QTRT2: variants seen among roughly 807,000 people sequenced by gnomAD.
The protein encoded by QTRT2 is queuine tRNA-ribosyltransferase accessory subunit 2.
A neutral mutation model predicts 44.8 loss-of-function variants in QTRT2; 32 were observed. That is an observed-to-expected ratio of 0.71 (90% CI 0.54 to 0.96). The LOEUF (loss-of-function observed/expected upper bound fraction) is 0.96. QTRT2 is among the 40% of genes least tolerant of loss of function. The pLI is 0.00. For missense variants in QTRT2, 461 were observed against 503.1 expected, an observed-to-expected ratio of 0.92 and a Z score of 0.80; for synonymous variants, 182 against 187.4, an observed-to-expected ratio of 0.97 and a Z score of 0.24.
At position 114,082,785 on chromosome 3, in the gene QTRT2, AG is replaced by A; in HGVS notation, c.1009del (p.Glu337LysfsTer12). ...QEITSFEINL[K>X]EKKYQEDFNP... Reference sequence around the variant, plus strand: ...ATAACATCATTTGAAATTAATCTGAAGGAAAAAAAGTAAGAAATTTTTAAAA... The same window carrying A: ...ATAACATCATTTGAAATTAATCTGAAGAAAAAAAGTAAGAAATTTTTAAAA... On this transcript the variant is annotated frameshift_variant, in exon 9 of 10. Coordinates refer to ENST00000281273, the MANE Select transcript of QTRT2 (RefSeq NM_024638.4). LOFTEE classifies it high-confidence loss of function. 7.1e-7 allele frequency: 1 copy of A among 1,404,186 alleles called. No homozygotes were observed. The highest frequency in any genetic ancestry group is 9.8e-7 in the Non-Finnish European group (1 of 1,016,016). The allele number at this position is 1,404,186 out of a possible 1,614,324, so 87.0% of individuals were successfully genotyped here. A position where few individuals can be genotyped will look rare whatever the true frequency, so the allele number is the denominator to read the frequency against.
intron 9 of QTRT2, 144 bp downstream of exon 9, chr3:114,082,938 CA>C (rs1317617115): frequency 9.5e-6 from 6 of 628,716 alleles, no homozygotes; most frequent in African/African-American, 1.8e-5. Context: ...AATTCGATTT[CA>C]AAAAAACTCT....
chr3:114,070,575 T>G, intron 5 of QTRT2, 51 bp from the exon 6 acceptor site: 1 of 1,461,862 alleles, frequency 6.8e-7, no homozygotes, highest in Non-Finnish European at 9.6e-7. Context: ...TTATTTTATT[T>G]TTATTTGCAT....
At chr3:114,078,048 T>A (rs537503867) in intron 7 of QTRT2, 2 of 152,302 alleles carry the variant, frequency 1.3e-5, no homozygotes, top group African/African-American at 4.8e-5. Context: ...AGCACGTGAA[T>A]CTTACATACA....
At chr3:114,082,244 A>G (rs972130521) in intron 8 of QTRT2, among the ~76,000 whole-genome samples, 2 of 127,660 alleles carry the variant, frequency 1.6e-5, no homozygotes, top group Non-Finnish European at 3.4e-5. Context: ...ACACACACAC[A>G]CACACACACG....
At chr3:114,079,258 T>C (rs1247332741) in intron 7 of QTRT2, 3 of 152,336 alleles carry the variant, frequency 2.0e-5, no homozygotes, top group Admixed American at 1.3e-4. Flanking sequence ...AACTATACTA[T>C]GGGCTGGGCG....
At chr3:114,083,207 A>G (rs1317261455) in intron 9 of QTRT2, among the ~76,000 whole-genome samples, 1 of 152,134 alleles carries the variant, frequency 6.6e-6, no homozygotes, top group Non-Finnish European at 1.5e-5. Flanking sequence ...TAAGATACAG[A>G]TTGAATTGAA....
At chr3:114,084,863 T>C (rs1436357062) in intron 9 of QTRT2, among the ~76,000 whole-genome samples, 1 of 152,120 alleles carries the variant, frequency 6.6e-6, no homozygotes, top group East Asian at 1.9e-4. Flanking sequence ...AGAATGACAA[T>C]AAAAATAGTT....
At chr3:114,064,640 T>C (rs983780256) in intron 2 of QTRT2, among the ~76,000 whole-genome samples, 1 of 152,226 alleles carries the variant, frequency 6.6e-6, no homozygotes, top group African/African-American at 2.4e-5. Context: ...CTCCACACAG[T>C]TTCTCACTTC....
chr3:114,073,142 T>G (rs1004185104), intron 6 of QTRT2, among the ~76,000 whole-genome samples: 4 of 152,178 alleles, frequency 2.6e-5, no homozygotes, highest in African/African-American at 9.7e-5. Context: ...GAGTTTGGTG[T>G]GGGGACATTG....
chr3:114,081,477 A>G (rs1254609871), intron 8 of QTRT2, among the ~76,000 whole-genome samples: 1 of 152,128 alleles, frequency 6.6e-6, no homozygotes, highest in African/African-American at 2.4e-5. Context: ...TGTGATGAAA[A>G]TTATAAGAAA....
intron 2 of QTRT2, among the ~76,000 whole-genome samples, chr3:114,063,853 G>A (rs1439146311): frequency 1.3e-5 from 2 of 152,048 alleles, no homozygotes; most frequent in Non-Finnish European, 2.9e-5. Flanking sequence ...TGATAGATAT[G>A]TCTTATTTAT....
chr3:114,068,063 G>A lies in QTRT2; in HGVS notation c.333G>A (p.Lys111=), dbSNP rs1456256186. 3.7e-6 allele frequency: 6 copies of A among 1,613,494 alleles called. No homozygotes were observed. The highest frequency in any genetic ancestry group is 3.4e-6 in the Non-Finnish European group (4 of 1,179,522). The change falls in exon 5 of 10, where the codon AAG becomes AAA. Residue 111 remains lysine (K), a splice_region_variant and synonymous_variant. Transcript: ENST00000281273. ...GCCCGGCTGGTTATGTAACAAACAA[G>A]GTGTGTTTTCAGAAGGGTCTCCAAG... ...SPCPAGYVTN[K]SVSVWSVAGR...
At chr3:114,080,205 G>T in intron 8 of QTRT2, 148 bp downstream of exon 8, 1 of 606,928 alleles carries the variant, frequency 1.6e-6, no homozygotes, top group Admixed American at 3.0e-5. Context: ...GCTCTGGCAT[G>T]TTGGCACACA....
intron 6 of QTRT2, among the ~76,000 whole-genome samples, chr3:114,073,635 TC>T (rs2077052040): frequency 6.6e-6 from 1 of 152,092 alleles, no homozygotes; most frequent in African/African-American, 2.4e-5. Context: ...TGCCTCAGCC[TC>T]CCCGAATGCT....
Position 114,076,774 on chromosome 3 carries a change from T to C in QTRT2, c.578T>C (p.Ile193Thr), listed in dbSNP as rs775131083. ...VLQKSVIIGVIEGGDVMEERL... is the reference protein window; with the variant it reads ...VLQKSVIIGVTEGGDVMEERL... Reference sequence around the variant, plus strand: ...CAGAAGAGTGTGATCATTGGAGTGATTGAAGGTGGAGATGTGATGGAAGAG... The same window carrying C: ...CAGAAGAGTGTGATCATTGGAGTGACTGAAGGTGGAGATGTGATGGAAGAG... Residue 193 changes from isoleucine to threonine, a missense_variant, in exon 7 of 10, where the codon ATT (isoleucine) becomes ACT (threonine). By Grantham distance (89) the Ile-to-Thr change is moderately conservative. Coordinates refer to ENST00000281273, the MANE Select transcript of QTRT2 (RefSeq NM_024638.4). 6.2e-7 allele frequency: 1 copy of C among 1,614,178 alleles called. No homozygotes were observed.
intron 2 of QTRT2, among the ~76,000 whole-genome samples, chr3:114,060,359 A>G (rs2076864133): frequency 1.3e-5 from 2 of 152,194 alleles, no homozygotes; most frequent in African/African-American, 2.4e-5. Context: ...CTTGTGTCCA[A>G]CCTTGGAGAA....
At chr3:114,064,486 C>A (rs1559948890) in intron 2 of QTRT2, among the ~76,000 whole-genome samples, 1 of 152,284 alleles carries the variant, frequency 6.6e-6, no homozygotes, top group East Asian at 1.9e-4. Flanking sequence ...GAGCACCCAA[C>A]AAGTAATTGA....
chr3:114,078,117 C>T (rs1469702617), intron 7 of QTRT2: 1 of 152,194 alleles, frequency 6.6e-6, no homozygotes, highest in East Asian at 1.9e-4. Flanking sequence ...CAAGGTATTT[C>T]CATCACCTTA....
rs183400982 is a variant in QTRT2, at chr3:114,083,186, A to G, written c.1016+392A>G. On this transcript the variant is annotated intron_variant, in intron 9 of 9. Coordinates refer to ENST00000281273, the MANE Select transcript of QTRT2 (RefSeq NM_024638.4). ...TCTTACGTAAGATATTTATCTCTAT[A>G]AAGAACAAATTAAGATACAGATTGA... Among the ~76,000 whole-genome samples, 204 of 152,312 alleles carry G rather than the reference A, an allele frequency of 1.3e-3. 1 individual carries two copies. The highest frequency in any genetic ancestry group is 8.5e-4 in the Non-Finnish European group (58 of 68,026).
Sources: gnomAD v4.1 joint callset for allele counts (sites outside exome capture counted in the v4.1 genomes callset) on GRCh38, gnomAD v4.1.1 for gene constraint, MANE v1.5 for transcripts, NCBI Gene and HGNC (gene_info 2026-07-23, HGNC 2026-07-21) for gene names.